The following LRRC9 variants were observed in gnomAD, a reference collection of about 807,000 sequenced individuals.
LRRC9 encodes leucine rich repeat containing 9, also known as leucine-rich repeat-containing protein 9.
LRRC9 carries 122 observed loss-of-function variants against 63.2 expected under a neutral mutation model. The ratio of observed to expected loss-of-function variants is 1.93; its 90% confidence interval spans 1.67 to 2.24. The LOEUF is 2.24. LRRC9 is among the 30% of genes most tolerant of loss of function. The pLI is 0.00. For missense variants in LRRC9, 1,071 were observed against 627.7 expected (o/e 1.71, Z -7.55); for synonymous variants, 366 against 213.1 (o/e 1.72, Z -6.25).
At position 60,057,237 on chromosome 14, in the gene LRRC9, A is replaced by C. The variant is rs112597197; in HGVS notation, c.4132-641A>C. ...AGAGAAGGCATAAATTTCTAGGGGA[A>C]GCAAGAGTCCCCTTCCTAAAATATT... On this transcript the variant is annotated intron_variant, in intron 30 of 31. Coordinates refer to ENST00000445360, the Ensembl canonical transcript of LRRC9. Among the ~76,000 whole-genome samples, 449 of 152,298 alleles carry C rather than the reference A, an allele frequency of 2.9e-3. 3 individuals are homozygous for C. Among genetic ancestry groups the C allele is most frequent in the African/African-American group, 0.01 (431 of 41,582 alleles).
intron 20 of LRRC9, among the ~76,000 whole-genome samples, chr14:60,002,359 T>C (rs886148079): frequency 6.6e-6 from 1 of 152,226 alleles, no homozygotes; most frequent in African/African-American, 2.4e-5. Flanking sequence ...TTAGGGTCTC[T>C]AGAAAGTATT....
At chr14:59,980,653 A>G (rs541323883) in intron 15 of LRRC9, among the ~76,000 whole-genome samples, 2 of 152,300 alleles carry the variant, frequency 1.3e-5, no homozygotes, top group East Asian at 3.9e-4. Flanking sequence ...CCATTTACTC[A>G]GGTCCTCTCT....
intron 22 of LRRC9, 104 bp from the exon 23 acceptor site, chr14:60,007,988 A>G: frequency 2.1e-6 from 1 of 481,880 alleles, no homozygotes; most frequent in Non-Finnish European, 3.6e-6. Flanking sequence ...CTGAAATCCC[A>G]TGGAATGATA....
intron 8 of LRRC9, 87 bp downstream of exon 8, chr14:59,944,831 AT>A (rs35724288): frequency 0.07 from 38,249 of 549,010 alleles, 1,610 homozygotes; most frequent in Non-Finnish European, 0.087. Flanking sequence ...TAAATTATGT[AT>A]ATACACACAT....
chr14:59,973,919 G>A (rs555352487), intron 12 of LRRC9, among the ~76,000 whole-genome samples: 2 of 152,206 alleles, frequency 1.3e-5, no homozygotes, highest in East Asian at 3.9e-4. Context: ...AAATAGACCT[G>A]AGTTCAAATC....
chr14:59,976,467 C>T (rs925772931), intron 13 of LRRC9, among the ~76,000 whole-genome samples: 1 of 152,042 alleles, frequency 6.6e-6, no homozygotes, highest in Non-Finnish European at 1.5e-5. Context: ...CTGAACTAAA[C>T]GATACGTGTT....
chr14:60,034,502 C>T (rs1402290505), intron 29 of LRRC9, among the ~76,000 whole-genome samples: 5 of 151,970 alleles, frequency 3.3e-5, no homozygotes, highest in Admixed American at 6.6e-5. Flanking sequence ...TCTCTCATCC[C>T]CGCTCCCCGT....
chr14:60,016,827 A>G, intron 24 of LRRC9, 37 bp downstream of exon 24: 3 of 624,466 alleles, frequency 4.8e-6, no homozygotes, highest in Non-Finnish European at 8.9e-6. Context: ...TTACATTATA[A>G]TTACATTATG....
intron 17 of LRRC9, 63 bp from the exon 18 acceptor site, chr14:59,997,593 A>G: frequency 1.6e-6 from 1 of 616,806 alleles, no homozygotes; most frequent in Non-Finnish European, 2.9e-6. Context: ...AACCACAGAG[A>G]AACTATTTTG....
At chr14:59,947,614 TTTC>T (rs1489879661) in intron 8 of LRRC9, among the ~76,000 whole-genome samples, 2 of 136,514 alleles carry the variant, frequency 1.5e-5, no homozygotes, top group Non-Finnish European at 3.1e-5. Flanking sequence ...ATGCCTAGGT[TTTC>T]TTCTAGGGTT....
chr14:59,941,479 T>G (rs1379058014), intron 7 of LRRC9, among the ~76,000 whole-genome samples: 1 of 151,666 alleles, frequency 6.6e-6, no homozygotes, highest in Admixed American at 6.6e-5. Flanking sequence ...TAATAAAATA[T>G]CTATTAAATT....
chr14:60,054,418 TC>T (rs1894123546), intron 30 of LRRC9, among the ~76,000 whole-genome samples: 1 of 151,788 alleles, frequency 6.6e-6, no homozygotes, highest in South Asian at 2.1e-4. Context: ...TCCAACGCCC[TC>T]CCCCATAGGT....
intron 23 of LRRC9, among the ~76,000 whole-genome samples, chr14:60,011,114 G>A (rs1441272186): frequency 1.3e-5 from 2 of 152,162 alleles, no homozygotes; most frequent in East Asian, 1.9e-4. Context: ...AGACATACAT[G>A]AGACTGTGTA....
intron 19 of LRRC9, among the ~76,000 whole-genome samples, chr14:60,001,103 A>G (rs1328408491): frequency 6.6e-6 from 1 of 152,192 alleles, no homozygotes. Flanking sequence ...TGTTGCAAGA[A>G]TATGAAGTAA....
chr14:59,945,369 A>C (rs1882256225), intron 8 of LRRC9, among the ~76,000 whole-genome samples: 1 of 152,036 alleles, frequency 6.6e-6, no homozygotes, highest in South Asian at 2.1e-4. Flanking sequence ...ATAATGGATT[A>C]TTCAACAAAT....
intron 29 of LRRC9, among the ~76,000 whole-genome samples, chr14:60,046,364 G>T (rs570718880): frequency 2.6e-5 from 4 of 152,266 alleles, no homozygotes; most frequent in African/African-American, 9.6e-5. Context: ...TGTCCTGAAT[G>T]GTATGGCCTA....
chr14:59,991,788 C>A (rs111822048), intron 17 of LRRC9, among the ~76,000 whole-genome samples: 65 of 79,164 alleles, frequency 8.2e-4, no homozygotes, highest in African/African-American at 1.0e-3. Flanking sequence ...CGCCATTGCC[C>A]AGGCTTCAGT....
At chr14:60,002,078 T>G (rs947066643) in exon 20 of LRRC9, 4 of 700,538 alleles carry the variant, frequency 5.7e-6, no homozygotes, top group Non-Finnish European at 1.0e-5. Flanking sequence ...CATTTACATC[T>G]GAGTGGAAAC....
intron 7 of LRRC9, among the ~76,000 whole-genome samples, chr14:59,940,795 A>G (rs1881677183): frequency 6.6e-6 from 1 of 152,132 alleles, no homozygotes; most frequent in Admixed American, 6.6e-5. Context: ...GCCACCTAAG[A>G]TGCAAAGGGA....
Sources: gnomAD v4.1 joint callset for allele counts (sites outside exome capture counted in the v4.1 genomes callset) on GRCh38, gnomAD v4.1.1 for gene constraint, MANE v1.5 for transcripts, NCBI Gene and HGNC (gene_info 2026-07-23, HGNC 2026-07-21) for gene names.